Variants in UTS2B observed in about 807,000 individuals in gnomAD.
UTS2B encodes urotensin 2B.
In UTS2B, 21 loss-of-function variants were observed where a neutral mutation model predicts 19.2. That is an observed-to-expected ratio of 1.09 (90% confidence interval 0.78 to 1.58). The LOEUF is 1.58. UTS2B is among the 40% of genes most tolerant of loss of function. The pLI, the probability that UTS2B is intolerant of heterozygous loss-of-function variation, is 0.00. For missense variants in UTS2B, 138 were observed against 130.3 expected (o/e 1.06, Z -0.29); for synonymous variants, 57 against 50.2 (o/e 1.14, Z -0.58).
intron 8 of UTS2B, among the ~76,000 whole-genome samples, chr3:191,272,421 G>C (rs966755951): frequency 2.0e-5 from 3 of 152,234 alleles, no homozygotes; most frequent in Non-Finnish European, 4.4e-5. Context: ...AGAGCTCCTA[G>C]AAGAAAGGCT....
At chr3:191,301,096 A>G (rs1191962003) in intron 4 of UTS2B, among the ~76,000 whole-genome samples, 2 of 128,342 alleles carry the variant, frequency 1.6e-5, no homozygotes, top group African/African-American at 5.2e-5. Flanking sequence ...TAACCAAAAT[A>G]TGTCACCTTC....
chr3:191,337,124 C>T, the UTS2B span, among the ~76,000 whole-genome samples: 1 of 151,122 alleles, frequency 6.6e-6, no homozygotes. Context: ...GCAGAGACCA[C>T]GTGATTGGCA....
chr3:191,276,071 T>C lies in UTS2B; in HGVS notation c.241-726A>G, dbSNP rs2108570456. On this transcript the variant is annotated intron_variant, in intron 7 of 8. Coordinates refer to ENST00000340524, the MANE Select transcript of UTS2B (RefSeq NM_198152.5). Reference sequence around the variant, plus strand: ...ACTTGGATTTCCTGAATTTTTTGTCTTTTCTAGCTGGAAGGAAAAAGTATT... The same window carrying C: ...ACTTGGATTTCCTGAATTTTTTGTCCTTTCTAGCTGGAAGGAAAAAGTATT... 1.3e-5 allele frequency among the ~76,000 whole-genome samples: 2 copies of C among 152,328 alleles called. 1 individual carries two copies. The highest frequency in any genetic ancestry group is 6.8e-3 in the Middle Eastern group (2 of 294).
chr3:191,314,911 C>T (rs980591768), intron 3 of UTS2B, among the ~76,000 whole-genome samples: 97 of 152,262 alleles, frequency 6.4e-4, no homozygotes, highest in African/African-American at 2.2e-3. Flanking sequence ...CTTGCCTTGC[C>T]CTACGCATCT....
intron 3 of UTS2B, among the ~76,000 whole-genome samples, chr3:191,306,909 G>A (rs1373670658): frequency 6.6e-6 from 1 of 152,164 alleles, no homozygotes; most frequent in African/African-American, 2.4e-5. Context: ...TGGGATTATA[G>A]GCGTGATCCA....
chr3:191,282,539 T>TA (rs1560134916), intron 4 of UTS2B: 1 of 169,516 alleles, frequency 5.9e-6, no homozygotes, highest in African/African-American at 2.4e-5. Flanking sequence ...CATCTTGAAA[T>TA]AAAAAACTGT....
At chr3:191,287,536 A>G (rs376235427) in intron 4 of UTS2B, among the ~76,000 whole-genome samples, 10 of 152,094 alleles carry the variant, frequency 6.6e-5, no homozygotes, top group African/African-American at 1.9e-4. Flanking sequence ...AAAAAACATG[A>G]TAAAATGTAT....
intron 4 of UTS2B, among the ~76,000 whole-genome samples, chr3:191,289,260 T>C (rs772900435): frequency 2.6e-5 from 4 of 151,734 alleles, no homozygotes; most frequent in Non-Finnish European, 4.4e-5. Context: ...ATATAAAAAA[T>C]TAGCCAGGCA....
chr3:191,327,007 C>T (rs11917097), intron 2 of UTS2B, among the ~76,000 whole-genome samples: 42,074 of 152,148 alleles, frequency 0.28, 7,551 homozygotes, highest in African/African-American at 0.5. Flanking sequence ...GTTTCCATTT[C>T]TTCTCTAGGC....
chr3:191,345,873 T>A, the UTS2B span, among the ~76,000 whole-genome samples: 1 of 152,210 alleles, frequency 6.6e-6, no homozygotes, highest in African/African-American at 2.4e-5. Context: ...TGGCACACAT[T>A]TAAAACTTAT....
intron 4 of UTS2B, among the ~76,000 whole-genome samples, chr3:191,289,498 C>A (rs1221516099): frequency 4.0e-5 from 6 of 151,726 alleles, no homozygotes; most frequent in Admixed American, 3.9e-4. Flanking sequence ...TTCATCACGG[C>A]ATTATTCCCA....
At chr3:191,284,471 A>G (rs1180923845) in intron 4 of UTS2B, among the ~76,000 whole-genome samples, 2 of 151,704 alleles carry the variant, frequency 1.3e-5, no homozygotes, top group African/African-American at 4.8e-5. Flanking sequence ...ACAGGCTAGC[A>G]CCACCATGTC....
At chr3:191,327,477 G>C (rs1366924854) in intron 2 of UTS2B, among the ~76,000 whole-genome samples, 1 of 152,176 alleles carries the variant, frequency 6.6e-6, no homozygotes, top group Non-Finnish European at 1.5e-5. Context: ...TCACACTCTA[G>C]GCCTGAAGGG....
chr3:191,335,447 A>T (rs1166713264), upstream of UTS2B, among the ~76,000 whole-genome samples: 1 of 152,182 alleles, frequency 6.6e-6, no homozygotes, highest in African/African-American at 2.4e-5. Flanking sequence ...TACAAAGGAT[A>T]ATTAGTTTTT....
At chr3:191,310,408 C>A (rs1309245659) in intron 3 of UTS2B, among the ~76,000 whole-genome samples, 1 of 152,080 alleles carries the variant, frequency 6.6e-6, no homozygotes, top group African/African-American at 2.4e-5. Flanking sequence ...AGGTCAAGCA[C>A]ACTTAATGCC....
the UTS2B span, among the ~76,000 whole-genome samples, chr3:191,344,609 C>T: frequency 3.9e-5 from 6 of 152,290 alleles, no homozygotes; most frequent in East Asian, 5.8e-4. Flanking sequence ...GACGGAGTCT[C>T]GCTCTGTCAC....
At chr3:191,287,943 G>C (rs181482832) in intron 4 of UTS2B, among the ~76,000 whole-genome samples, 188 of 152,198 alleles carry the variant, frequency 1.2e-3, no homozygotes, top group Non-Finnish European at 4.1e-4. Flanking sequence ...GTTCATTAAA[G>C]TTGCAGGATA....
At chr3:191,313,647 G>A (rs1233717909) in intron 3 of UTS2B, among the ~76,000 whole-genome samples, 4 of 151,316 alleles carry the variant, frequency 2.6e-5, no homozygotes, top group African/African-American at 7.3e-5. Flanking sequence ...CATAGACGCA[G>A]CTTAGTTTAG....
At chr3:191,285,670 G>A (rs1365573996) in intron 4 of UTS2B, among the ~76,000 whole-genome samples, 1 of 152,148 alleles carries the variant, frequency 6.6e-6, no homozygotes, top group African/African-American at 2.4e-5. Context: ...GGGAGGCTGA[G>A]GTGGGTGGAT....
Sources: gnomAD v4.1 joint callset for allele counts (sites outside exome capture counted in the v4.1 genomes callset) on GRCh38, gnomAD v4.1.1 for gene constraint, MANE v1.5 for transcripts, NCBI Gene and HGNC (gene_info 2026-07-23, HGNC 2026-07-21) for gene names.